EMCN: variants seen among roughly 807,000 people sequenced by gnomAD.
EMCN encodes endomucin.
Under a neutral mutation model 38.4 loss-of-function variants are expected in EMCN, and 37 were observed. The observed-to-expected ratio is 0.96, with a 90% confidence interval of 0.74 to 1.27. The LOEUF is 1.27. Among genes scored for constraint, EMCN ranks in the 50% most tolerant of loss-of-function variants. The probability of loss-of-function intolerance (pLI) is 0.00; values close to 1 mark genes in which losing one functional copy is unlikely to be tolerated. For synonymous variants in EMCN, 95 were observed against 100.8 expected (o/e 0.94, Z 0.35); for missense variants, 318 against 302.8 (o/e 1.05, Z -0.37).
intron 10 of EMCN, among the ~76,000 whole-genome samples, chr4:100,412,814 C>T (rs569548816): frequency 1.6e-4 from 24 of 152,094 alleles, no homozygotes; most frequent in African/African-American, 4.1e-4. Flanking sequence ...CCTTATTCAA[C>T]GAAGAATATA....
chr4:100,443,626 C>T (rs1727584906), intron 5 of EMCN, among the ~76,000 whole-genome samples: 1 of 152,218 alleles, frequency 6.6e-6, no homozygotes, highest in Non-Finnish European at 1.5e-5. Flanking sequence ...CATAGGTGAT[C>T]AGAGTAGCTG....
intron 1 of EMCN, among the ~76,000 whole-genome samples, chr4:100,508,245 T>C (rs991985563): frequency 2.0e-5 from 3 of 152,190 alleles, no homozygotes; most frequent in Non-Finnish European, 4.4e-5. Context: ...TGGCCCCTGG[T>C]AACTAACCCA....
intron 1 of EMCN, among the ~76,000 whole-genome samples, chr4:100,513,352 A>G (rs950836875): frequency 2.6e-5 from 4 of 152,184 alleles, no homozygotes; most frequent in African/African-American, 9.6e-5. Flanking sequence ...TACTTAGCAA[A>G]ATTATCTACT....
intron 11 of EMCN, among the ~76,000 whole-genome samples, chr4:100,401,651 C>T (rs1726263339): frequency 6.6e-6 from 1 of 152,168 alleles, no homozygotes; most frequent in African/African-American, 2.4e-5. Context: ...CCCAGATTAT[C>T]AGGGCACCAT....
At chr4:100,476,596 A>G (rs1728658415) in intron 2 of EMCN, among the ~76,000 whole-genome samples, 1 of 152,244 alleles carries the variant, frequency 6.6e-6, no homozygotes, top group South Asian at 2.1e-4. Context: ...TAAATCATTA[A>G]GATATCATAA....
At chr4:100,441,174 T>G (rs1388153102) in intron 5 of EMCN, among the ~76,000 whole-genome samples, 1 of 152,196 alleles carries the variant, frequency 6.6e-6, no homozygotes, top group African/African-American at 2.4e-5. Flanking sequence ...ATATTTGCTT[T>G]ATGTATTTAG....
chr4:100,486,230 T>C (rs1481916272), intron 1 of EMCN, among the ~76,000 whole-genome samples: 1 of 152,048 alleles, frequency 6.6e-6, no homozygotes, highest in Admixed American at 6.6e-5. Context: ...TGGAGGAAAA[T>C]TTTTCAAGAA....
intron 1 of EMCN, among the ~76,000 whole-genome samples, chr4:100,482,692 A>AT (rs1202053351): frequency 3.2e-4 from 48 of 152,240 alleles, no homozygotes; most frequent in African/African-American, 1.2e-3. Context: ...AAGATTTAAG[A>AT]TTTTATCAAG....
At position 100,473,025 on chromosome 4, in the gene EMCN, T is replaced by TG. The variant is rs1319173784; in HGVS notation, c.259+2012_259+2013insC. On this transcript the variant is annotated intron_variant, in intron 3 of 11. Transcript: ENST00000296420. The stretch of plus-strand genomic sequence containing the variant: ...ATATATATATTATATATATATATTT[T>TG]TTTTTTTTGAGGTGGAGTTTATTCT... Among the ~76,000 whole-genome samples the TG allele has an allele frequency of 6.9e-5, 10 of 144,510 alleles. No homozygotes were observed. In the East Asian group the frequency reaches 2.0e-3, roughly 29 times the overall value. 94.8% of individuals were successfully genotyped at this position (144,510 alleles called of 152,430 possible).
intron 5 of EMCN, among the ~76,000 whole-genome samples, chr4:100,431,789 C>A (rs1390541444): frequency 6.6e-6 from 1 of 151,966 alleles, no homozygotes; most frequent in East Asian, 1.9e-4. Context: ...CCCCATCCCT[C>A]TATCTATTTC....
intron 10 of EMCN, among the ~76,000 whole-genome samples, chr4:100,415,559 C>T (rs1374795792): frequency 6.6e-6 from 1 of 152,062 alleles, no homozygotes; most frequent in Non-Finnish European, 1.5e-5. Context: ...ACTACATAGC[C>T]AGCACCAAAA....
rs762711918 is a variant in EMCN, at chr4:100,421,389, T to G, written c.569-12A>C. ...CGGCAAAATAATACCTAAAAAGAAT[T>G]GGAGACATTGTCAATTAGAGTGGCT... On this transcript the variant is annotated splice_polypyrimidine_tract_variant and intron_variant, in intron 7 of 11. Coordinates refer to ENST00000296420, the MANE Select transcript of EMCN (RefSeq NM_016242.4). 1 of 1,604,432 alleles carries G rather than the reference T, an allele frequency of 6.2e-7. No homozygotes were observed. The highest frequency in any genetic ancestry group is 8.5e-7 in the Non-Finnish European group (1 of 1,172,040).
At chr4:100,431,946 G>C (rs1727216058) in intron 5 of EMCN, among the ~76,000 whole-genome samples, 3 of 151,994 alleles carry the variant, frequency 2.0e-5, no homozygotes, top group African/African-American at 7.2e-5. Flanking sequence ...AGGCACAATG[G>C]TCCATTTTGC....
chr4:100,416,484 C>G (rs946561527), intron 9 of EMCN, among the ~76,000 whole-genome samples: 9 of 152,172 alleles, frequency 5.9e-5, no homozygotes, highest in South Asian at 4.2e-4. Context: ...GTTTCAAACT[C>G]TAATTATTTC....
chr4:100,484,271 TG>T (rs947573186), intron 1 of EMCN, among the ~76,000 whole-genome samples: 1 of 152,184 alleles, frequency 6.6e-6, no homozygotes, highest in Non-Finnish European at 1.5e-5. Context: ...GAACTTGCTT[TG>T]TTTTTTATCT....
chr4:100,470,059 A>G (rs921414890), intron 3 of EMCN, among the ~76,000 whole-genome samples: 1 of 152,106 alleles, frequency 6.6e-6, no homozygotes. Flanking sequence ...GAATTAAACT[A>G]AAAAGCTTCT....
intron 4 of EMCN, among the ~76,000 whole-genome samples, chr4:100,463,043 C>T (rs1728223818): frequency 3.9e-5 from 6 of 152,060 alleles, no homozygotes; most frequent in Admixed American, 2.6e-4. Context: ...AAAAATGCTT[C>T]CATTACTTAT....
intron 11 of EMCN, among the ~76,000 whole-genome samples, chr4:100,400,322 G>T (rs1217836052): frequency 6.6e-6 from 1 of 151,112 alleles, no homozygotes; most frequent in African/African-American, 2.4e-5. Context: ...CCCTGTGCCT[G>T]GAAAATCTTT....
intron 11 of EMCN, among the ~76,000 whole-genome samples, chr4:100,409,029 G>A (rs1314194982): frequency 6.6e-6 from 1 of 152,128 alleles, no homozygotes; most frequent in Non-Finnish European, 1.5e-5. Flanking sequence ...CTCTGTCTCT[G>A]TCTTCTGCTA....
Sources: gnomAD v4.1 joint callset for allele counts (sites outside exome capture counted in the v4.1 genomes callset) on GRCh38, gnomAD v4.1.1 for gene constraint, MANE v1.5 for transcripts, NCBI Gene and HGNC (gene_info 2026-07-23, HGNC 2026-07-21) for gene names.